The following OR4E1 variants were observed in gnomAD, a reference collection of about 807,000 sequenced individuals.
The protein encoded by OR4E1 is olfactory receptor 4E1.
In OR4E1 at chr14:21,669,891, A is replaced by T; in HGVS notation, c.*97T>A. On this transcript the variant is annotated 3_prime_UTR_variant, in exon 2 of 2. Coordinates refer to ENST00000641792, the MANE Select transcript of OR4E1 (RefSeq NM_001317107.2). ...CAGATATTGGACCAAGGATAGTTTT[A>T]TAAGTCACATAGTCTGATAAATATG... 2.5e-6 allele frequency: 1 copy of T among 397,106 alleles called. No homozygotes were observed. The highest frequency in any genetic ancestry group is 6.3e-4 in the Middle Eastern group (1 of 1,580). The allele number at this position is 397,106 out of a possible 1,614,324, so 24.6% of individuals were successfully genotyped here.
intron 1 of OR4E1, among the ~76,000 whole-genome samples, chr14:21,672,153 C>CTT (rs1266947295): frequency 1.3e-5 from 2 of 152,184 alleles, no homozygotes; most frequent in Non-Finnish European, 2.9e-5. Flanking sequence ...AGGAATCTCT[C>CTT]TTTTCTAGCT....
Position 21,669,312 on chromosome 14 carries a change from C to G in OR4E1, c.*676G>C, listed in dbSNP as rs774255039. 2.6e-5 allele frequency: 4 copies of G among 152,132 alleles called. No homozygotes were observed. Among genetic ancestry groups the G allele is most frequent in the African/African-American group, 7.2e-5 (3 of 41,418 alleles). The allele number at this position is 152,132 out of a possible 1,614,324, so 9.4% of individuals were successfully genotyped here. A position where few individuals can be genotyped will look rare whatever the true frequency, so the allele number is the denominator to read the frequency against. On this transcript the variant is annotated 3_prime_UTR_variant, in exon 2 of 2. Coordinates refer to ENST00000641792, the MANE Select transcript of OR4E1 (RefSeq NM_001317107.2). ...GTATGTCTTATTTATGGCTATAAAC[C>G]TAGTATCTGGTACATAATAAGTGCT...
In OR4E1 at chr14:21,673,511, G is replaced by C. The variant is rs1188939864; in HGVS notation, c.-439C>G. The C allele has an allele frequency of 6.7e-6, 1 of 149,898 alleles. No homozygotes were observed. Among genetic ancestry groups the C allele is most frequent in the South Asian group, 2.1e-4 (1 of 4,714 alleles). The allele number at this position is 149,898 out of a possible 1,614,324, so 9.3% of individuals were successfully genotyped here. On this transcript the variant is annotated 5_prime_UTR_variant, in exon 1 of 2. Transcript: ENST00000641792. The stretch of plus-strand genomic sequence containing the variant: ...CCAGCTGCTCAGGAGGCTGAGGCAG[G>C]AGGATTTCTTGAACCCAGGAGGTCA...
Position 21,668,984 on chromosome 14 carries a change from G to A in OR4E1, c.*1004C>T, listed in dbSNP as rs1490106371. On this transcript the variant is annotated 3_prime_UTR_variant, in exon 2 of 2. Transcript: ENST00000641792. ...CACTCTCTGCCTTATAGTCTAAGCT[G>A]TAATCACACTGATCATTTACTTCCT... 2 of 152,170 alleles carry A rather than the reference G, an allele frequency of 1.3e-5. No homozygotes were observed. The highest frequency in any genetic ancestry group is 2.4e-5 in the African/African-American group (1 of 41,452). The allele number at this position is 152,170 out of a possible 1,614,324, so 9.4% of individuals were successfully genotyped here.
rs929100541 is a variant in OR4E1 at position 21,673,411 on chromosome 14, G to C, written c.-339C>G. The C allele has an allele frequency of 6.6e-6, 1 of 151,796 alleles. No homozygotes were observed. Among genetic ancestry groups the C allele is most frequent in the Non-Finnish European group, 1.5e-5 (1 of 68,010 alleles). 9.4% of individuals were successfully genotyped at this position (151,796 alleles called of 1,614,324 possible). On this transcript the variant is annotated 5_prime_UTR_variant, in exon 1 of 2. Transcript: ENST00000641792. ...GAGATTAAAAGCCACAGTCAAGCCC[G>C]GGCAACATGGCGAAACCCCGTCTCT...
In OR4E1 at chr14:21,668,437, A is replaced by G. The variant is rs1053910797; in HGVS notation, c.*1551T>C. The G allele has an allele frequency of 8.4e-6, 1 of 118,760 alleles. No homozygotes were observed. Among genetic ancestry groups the G allele is most frequent in the Non-Finnish European group, 1.9e-5 (1 of 52,958 alleles). 7.4% of individuals were successfully genotyped at this position (118,760 alleles called of 1,614,324 possible). A position where few individuals can be genotyped will look rare whatever the true frequency, so the allele number is the denominator to read the frequency against. On this transcript the variant is annotated 3_prime_UTR_variant, in exon 2 of 2. Coordinates refer to ENST00000641792, the MANE Select transcript of OR4E1 (RefSeq NM_001317107.2). Reference sequence around the variant, plus strand: ...CTTGTGGCTCACAGGTTTATTGATCATACACTCACTGAGTGCCTAGGAAAT... The same window carrying G: ...CTTGTGGCTCACAGGTTTATTGATCGTACACTCACTGAGTGCCTAGGAAAT...
Position 21,669,847 on chromosome 14 carries a change from T to C in OR4E1, c.*141A>G, listed in dbSNP as rs1478287528. ...AGCACAGAGAAGATATTAATAACCATAACGATTGCTATGACTGTCAGATAT... is the reference window on the plus strand; with the variant it reads ...AGCACAGAGAAGATATTAATAACCACAACGATTGCTATGACTGTCAGATAT... On this transcript the variant is annotated 3_prime_UTR_variant, in exon 2 of 2. Coordinates refer to ENST00000641792, the MANE Select transcript of OR4E1 (RefSeq NM_001317107.2). 2 of 392,706 alleles carry C rather than the reference T, an allele frequency of 5.1e-6. No individual in the cohort carries two copies. The highest frequency in any genetic ancestry group is 3.6e-5 in the East Asian group (1 of 27,772). 24.3% of individuals were successfully genotyped at this position (392,706 alleles called of 1,614,324 possible). A position where few individuals can be genotyped will look rare whatever the true frequency, so the allele number is the denominator to read the frequency against.
rs557152192 is a variant in OR4E1, at chr14:21,670,729, G to T, written c.207C>A (p.Asn69Lys). 2.5e-6 allele frequency: 1 copy of T among 402,122 alleles called. No individual in the cohort carries two copies. The highest frequency in any genetic ancestry group is 4.4e-6 in the Non-Finnish European group (1 of 226,344). 24.9% of individuals were successfully genotyped at this position (402,122 alleles called of 1,614,324 possible). The part of the protein sequence containing the change: ...LHTPMYFFLS[N>K]LSFIDVCHST... ...AGTGGCAGACATCAATAAAGGACAG[G>T]TTGCTGAGGAAGAAATACATGGGAG... The change falls in exon 2 of 2, where the codon AAC (asparagine) becomes AAA (lysine). Residue 69 changes from asparagine to lysine, a missense_variant. Physicochemically the swap from Asn to Lys is moderately conservative, Grantham distance 94. Coordinates refer to ENST00000641792, the MANE Select transcript of OR4E1 (RefSeq NM_001317107.2).
At chr14:21,672,243 T>A (rs1300832197) in intron 1 of OR4E1, among the ~76,000 whole-genome samples, 2 of 152,210 alleles carry the variant, frequency 1.3e-5, no homozygotes, top group African/African-American at 2.4e-5. Flanking sequence ...TCTTGGTTGC[T>A]TGGGCCCCAT....
Position 21,669,856 on chromosome 14 carries a change from C to T in OR4E1, c.*132G>A. ...AAGATATTAATAACCATAACGATTG[C>T]TATGACTGTCAGATATTGGACCAAG... On this transcript the variant is annotated 3_prime_UTR_variant, in exon 2 of 2. Transcript: ENST00000641792. The T allele has an allele frequency of 2.5e-6, 1 of 394,686 alleles. No homozygotes were observed. Among genetic ancestry groups the T allele is most frequent in the Non-Finnish European group, 4.5e-6 (1 of 224,094 alleles). 24.4% of individuals were successfully genotyped at this position (394,686 alleles called of 1,614,324 possible).
Position 21,670,872 on chromosome 14 carries a change from A to G in OR4E1, c.64T>C (p.Ser22Pro), listed in dbSNP as rs952977775. Residue 22 changes from serine to proline, a missense_variant, in exon 2 of 2, where the codon TCT becomes CCT. Physicochemically the swap from Ser to Pro is moderately conservative, Grantham distance 74. Coordinates refer to ENST00000641792, the MANE Select transcript of OR4E1 (RefSeq NM_001317107.2). ...GCTATCCGTGCCTTATGATTTACAG[A>G]TAAACCTCTAAGCCGAAAATATGTC... The part of the protein sequence containing the change: ...LVTYFRLRGL[S>P]VNHKARIAMF... 1.0e-5 allele frequency: 4 copies of G among 398,908 alleles called. No individual in the cohort carries two copies. Among genetic ancestry groups the G allele is most frequent in the East Asian group, 7.1e-5 (2 of 28,088 alleles). The allele number at this position is 398,908 out of a possible 1,614,324, so 24.7% of individuals were successfully genotyped here.
chr14:21,670,382 A>G lies in OR4E1; in HGVS notation c.554T>C (p.Val185Ala), dbSNP rs1566592663. Residue 185 changes from valine to alanine, a missense_variant, in exon 2 of 2, where the codon GTA becomes GCA. Val to Ala is a moderately conservative substitution (Grantham distance 64). Transcript: ENST00000641792. ...PDEIDNFFCDVPQVIKLACID... is the reference protein window; with the variant it reads ...PDEIDNFFCDAPQVIKLACID... ...GCAGGCCAGCTTGATCACCTGAGGT[A>G]CATCACAGAAGAAGTTGTCAATCTC... The G allele has an allele frequency of 2.5e-6, 1 of 399,840 alleles. No individual in the cohort carries two copies. The highest frequency in any genetic ancestry group is 4.4e-6 in the Non-Finnish European group (1 of 226,530). The allele number at this position is 399,840 out of a possible 1,614,324, so 24.8% of individuals were successfully genotyped here. A position where few individuals can be genotyped will look rare whatever the true frequency, so the allele number is the denominator to read the frequency against.
rs956765980 is a variant in OR4E1, at chr14:21,670,498, C to T, written c.438G>A (p.Val146=). The T allele has an allele frequency of 3.3e-5, 13 of 399,630 alleles. No individual in the cohort carries two copies. Among genetic ancestry groups the T allele is most frequent in the African/African-American group, 2.3e-4 (11 of 48,626 alleles). The allele number at this position is 399,630 out of a possible 1,614,324, so 24.8% of individuals were successfully genotyped here. A position where few individuals can be genotyped will look rare whatever the true frequency, so the allele number is the denominator to read the frequency against. ...YMIVMNWKVC[V]LLAVALWTGG... ...CTGTCCAGAGGGCCACAGCCAGCAG[C>T]ACACATACCTTCCAGTTCATCACTA... The change falls in exon 2 of 2, where the codon GTG becomes GTA. Residue 146 remains valine, a synonymous_variant. Transcript: ENST00000641792.
chr14:21,667,927 A>G lies in OR4E1; in HGVS notation c.*2061T>C, dbSNP rs1880728802. The G allele has an allele frequency of 6.6e-6, 1 of 152,600 alleles. No homozygotes were observed. The highest frequency in any genetic ancestry group is 1.5e-5 in the Non-Finnish European group (1 of 68,032). The allele number at this position is 152,600 out of a possible 1,614,324, so 9.5% of individuals were successfully genotyped here. A position where few individuals can be genotyped will look rare whatever the true frequency, so the allele number is the denominator to read the frequency against. ...TTATTTTTGTTCTTTAAGACTCTCT[A>G]TTTATTTAGTGAGTAATTAAATACA... On this transcript the variant is annotated 3_prime_UTR_variant, in exon 2 of 2. Coordinates refer to ENST00000641792, the MANE Select transcript of OR4E1 (RefSeq NM_001317107.2).
In OR4E1 at chr14:21,669,118, C is replaced by T. The variant is rs746165629; in HGVS notation, c.*870G>A. 1.3e-5 allele frequency: 2 copies of T among 152,234 alleles called. No homozygotes were observed. The highest frequency in any genetic ancestry group is 2.4e-5 in the African/African-American group (1 of 41,458). The allele number at this position is 152,234 out of a possible 1,614,324, so 9.4% of individuals were successfully genotyped here. The stretch of plus-strand genomic sequence containing the variant: ...TGGCTCCTTTTAATCTTAAATGTAA[C>T]TTCCTCAGAGAGGCCATCCTTGACC... On this transcript the variant is annotated 3_prime_UTR_variant, in exon 2 of 2. Coordinates refer to ENST00000641792, the MANE Select transcript of OR4E1 (RefSeq NM_001317107.2).
At position 21,670,224 on chromosome 14, in the gene OR4E1, G is replaced by A. The variant is rs970025; in HGVS notation, c.712C>T (p.Arg238Trp). The stretch of plus-strand genomic sequence containing the variant: ...GCTGCACAGGTGGACAGGGCCTTCC[G>A]CTTGCCCTTGGAGATCTGCTGCCTC... ...SLRQQISKGK[R>W]KALSTCAAHL... The change falls in exon 2 of 2, where the codon CGG (arginine) becomes TGG (tryptophan). Residue 238 changes from arginine to tryptophan, a missense_variant. Transcript: ENST00000641792. 78,907 of 398,568 alleles carry A rather than the reference G, an allele frequency of 0.2. 9,574 individuals carry two copies. Among genetic ancestry groups the A allele is most frequent in the East Asian group, 0.46 (12,999 of 28,040 alleles). The allele number at this position is 398,568 out of a possible 1,614,324, so 24.7% of individuals were successfully genotyped here. A position where few individuals can be genotyped will look rare whatever the true frequency, so the allele number is the denominator to read the frequency against.
At position 21,670,634 on chromosome 14, in the gene OR4E1, C is replaced by T. The variant is rs1467432256; in HGVS notation, c.302G>A (p.Cys101Tyr). The T allele has an allele frequency of 5.0e-6, 2 of 400,554 alleles. No individual in the cohort carries two copies. Among genetic ancestry groups the T allele is most frequent in the African/African-American group, 4.1e-5 (2 of 48,640 alleles). The allele number at this position is 400,554 out of a possible 1,614,324, so 24.8% of individuals were successfully genotyped here. The part of the protein sequence containing the change: ...SEEKLISFDA[C>Y]VTQMFFLHLF... ...GTGCAGGAAGAACATCTGGGTCACA[C>T]AGGCATCAAAAGAGATGAGCTTTTC... Residue 101 changes from cysteine to tyrosine, a missense_variant, in exon 2 of 2, where the codon TGT becomes TAT. Cys to Tyr is a radical substitution (Grantham distance 194, BLOSUM62 -2). Transcript: ENST00000641792.
rs1204977059 is a variant in OR4E1, at chr14:21,669,174, C to T, written c.*814G>A. 1.3e-5 allele frequency: 2 copies of T among 152,236 alleles called. No individual in the cohort carries two copies. Among genetic ancestry groups the T allele is most frequent in the African/African-American group, 2.4e-5 (1 of 41,448 alleles). The allele number at this position is 152,236 out of a possible 1,614,324, so 9.4% of individuals were successfully genotyped here. A position where few individuals can be genotyped will look rare whatever the true frequency, so the allele number is the denominator to read the frequency against. ...AGCAAGTCTCTTCCATACTCTCTAACAGCACCCTGCTGTTTTATAGCATTT... is the reference window on the plus strand; with the variant it reads ...AGCAAGTCTCTTCCATACTCTCTAATAGCACCCTGCTGTTTTATAGCATTT... On this transcript the variant is annotated 3_prime_UTR_variant, in exon 2 of 2. Coordinates refer to ENST00000641792, the MANE Select transcript of OR4E1 (RefSeq NM_001317107.2).
chr14:21,670,187 A>G lies in OR4E1; in HGVS notation c.749T>C (p.Val250Ala). Residue 250 changes from valine (V) to alanine (A), a missense_variant, in exon 2 of 2, where the codon GTA (valine) becomes GCA (alanine). Physicochemically the swap from Val to Ala is moderately conservative, Grantham distance 64. Transcript: ENST00000641792. Reference sequence around the variant, plus strand: ...GCAGTGTCCCAGGAACAGTGTAACTACAGTGAGATGGGCTGCACAGGTGGA... The same window carrying G: ...GCAGTGTCCCAGGAACAGTGTAACTGCAGTGAGATGGGCTGCACAGGTGGA... ...ALSTCAAHLT[V>A]VTLFLGHCIF... 1 of 398,810 alleles carries G rather than the reference A, an allele frequency of 2.5e-6. No homozygotes were observed. Among genetic ancestry groups the G allele is most frequent in the Non-Finnish European group, 4.4e-6 (1 of 226,220 alleles). The allele number at this position is 398,810 out of a possible 1,614,324, so 24.7% of individuals were successfully genotyped here. A position where few individuals can be genotyped will look rare whatever the true frequency, so the allele number is the denominator to read the frequency against.
Sources: allele counts gnomAD v4.1 joint callset (sites outside exome capture counted in the v4.1 genomes callset), GRCh38; gene constraint gnomAD v4.1.1; transcripts MANE v1.5; gene names NCBI Gene and HGNC (gene_info 2026-07-23, HGNC 2026-07-21).